The following MAGI1 variants were observed in gnomAD, a reference collection of about 807,000 sequenced individuals.
MAGI1 encodes the protein membrane-associated guanylate kinase, WW and PDZ domain-containing protein 1.
MAGI1 carries 58 observed loss-of-function variants against 139.9 expected under a neutral mutation model. The ratio of observed to expected loss-of-function variants is 0.41; its 90% confidence interval spans 0.34 to 0.52. MAGI1 has a LOEUF of 0.52. Ranked by LOEUF, MAGI1 falls within the 20% of genes least tolerant of loss-of-function variation. The probability of loss-of-function intolerance (pLI) is 0.12; values close to 1 mark genes in which losing one functional copy is unlikely to be tolerated. For synonymous variants in MAGI1, 812 were observed against 737.9 expected, an observed-to-expected ratio of 1.10 and a Z score of -1.63; for missense variants, 1,874 against 1,901.6, an observed-to-expected ratio of 0.99 and a Z score of 0.27.
chr3:65,740,675 C>T (rs975643144), intron 1 of MAGI1, among the ~76,000 whole-genome samples: 1 of 152,190 alleles, frequency 6.6e-6, no homozygotes, highest in African/African-American at 2.4e-5. Context: ...AATCTACTCT[C>T]AACTGTTATC....
intron 2 of MAGI1, among the ~76,000 whole-genome samples, chr3:65,596,608 C>G (rs554145779): frequency 1.3e-5 from 2 of 152,168 alleles, no homozygotes; most frequent in African/African-American, 2.4e-5. Context: ...AGTCTATATA[C>G]CAACACTGTG....
intron 1 of MAGI1, among the ~76,000 whole-genome samples, chr3:65,736,042 G>T (rs2034697174): frequency 1.3e-5 from 2 of 152,170 alleles, no homozygotes; most frequent in African/African-American, 4.8e-5. Context: ...TCTTGCCTGA[G>T]ACACTCCAAC....
intron 1 of MAGI1, among the ~76,000 whole-genome samples, chr3:65,920,768 C>T (rs533590783): frequency 4.6e-5 from 7 of 152,260 alleles, no homozygotes; most frequent in East Asian, 3.9e-4. Context: ...CAGTGGCTCA[C>T]GCCTGTAATC....
intron 1 of MAGI1, among the ~76,000 whole-genome samples, chr3:65,954,076 C>T (rs2063993115): frequency 6.6e-6 from 1 of 152,086 alleles, no homozygotes; most frequent in Admixed American, 6.5e-5. Flanking sequence ...TTTACCCCAA[C>T]CCCCCATACT....
chr3:65,765,264 G>T (rs1289056376), intron 1 of MAGI1, among the ~76,000 whole-genome samples: 1 of 152,162 alleles, frequency 6.6e-6, no homozygotes, highest in African/African-American at 2.4e-5. Context: ...TTTTGGGAAT[G>T]AACCTTTACC....
chr3:65,507,676 G>A (rs982569251), intron 2 of MAGI1, among the ~76,000 whole-genome samples: 4 of 152,078 alleles, frequency 2.6e-5, no homozygotes, highest in Admixed American at 6.6e-5. Context: ...TTGGAGCAAC[G>A]GCAAAATCAT....
At chr3:65,487,257 G>A (rs189034328) in intron 3 of MAGI1, among the ~76,000 whole-genome samples, 38 of 152,144 alleles carry the variant, frequency 2.5e-4, no homozygotes, top group African/African-American at 2.2e-4. Context: ...AAAGACCTTC[G>A]CACACTTACA....
intron 12 of MAGI1, among the ~76,000 whole-genome samples, chr3:65,414,665 A>C (rs1053092287): frequency 3.9e-5 from 6 of 152,150 alleles, no homozygotes; most frequent in Non-Finnish European, 8.8e-5. Flanking sequence ...AATTGATCCT[A>C]AGTTGCCAAT....
intron 2 of MAGI1, among the ~76,000 whole-genome samples, chr3:65,531,524 T>A (rs1488811674): frequency 6.6e-6 from 1 of 152,208 alleles, no homozygotes; most frequent in Non-Finnish European, 1.5e-5. Flanking sequence ...ATAATACTTA[T>A]TTCTAGTAAT....
chr3:65,777,577 T>C (rs1001160889), intron 1 of MAGI1, among the ~76,000 whole-genome samples: 87 of 145,070 alleles, frequency 6.0e-4, no homozygotes, highest in Admixed American at 2.2e-4. Context: ...AGGTTGAGGC[T>C]GCAGTGAGCC....
intron 1 of MAGI1, among the ~76,000 whole-genome samples, chr3:65,955,326 C>G (rs1004055476): frequency 6.6e-6 from 1 of 152,180 alleles, no homozygotes; most frequent in African/African-American, 2.4e-5. Flanking sequence ...GACAACACTG[C>G]CTCTTAAAAC....
intron 1 of MAGI1, among the ~76,000 whole-genome samples, chr3:65,982,801 T>C (rs190743113): frequency 2.6e-5 from 4 of 152,312 alleles, no homozygotes; most frequent in Admixed American, 6.5e-5. Context: ...CCTTTGTGAC[T>C]GATGCATCCC....
intron 1 of MAGI1, among the ~76,000 whole-genome samples, chr3:65,871,752 G>A (rs1334702921): frequency 6.6e-6 from 1 of 152,182 alleles, no homozygotes; most frequent in African/African-American, 2.4e-5. Flanking sequence ...CTGAATGCTG[G>A]GACAGAAACT....
intron 5 of MAGI1, among the ~76,000 whole-genome samples, chr3:65,457,115 C>G (rs1382936723): frequency 6.6e-6 from 1 of 152,028 alleles, no homozygotes; most frequent in African/African-American, 2.4e-5. Context: ...TTACATTAAA[C>G]CTGTATATCC....
chr3:65,935,259 T>C (rs985117645), intron 1 of MAGI1, among the ~76,000 whole-genome samples: 1 of 152,170 alleles, frequency 6.6e-6, no homozygotes, highest in Admixed American at 6.5e-5. Flanking sequence ...TTTAAAGAAC[T>C]GAAAGAGGTT....
At chr3:65,493,885 A>C (rs1005379519) in intron 2 of MAGI1, among the ~76,000 whole-genome samples, 1 of 152,182 alleles carries the variant, frequency 6.6e-6, no homozygotes, top group South Asian at 2.1e-4. Flanking sequence ...GGTAACCTAG[A>C]GAGAGTTTTA....
chr3:65,467,031 T>C (rs1410172205), intron 5 of MAGI1, among the ~76,000 whole-genome samples: 1 of 152,202 alleles, frequency 6.6e-6, no homozygotes, highest in African/African-American at 2.4e-5. Flanking sequence ...TCTGTAGGCA[T>C]TTCTGGGTTG....
intron 1 of MAGI1, among the ~76,000 whole-genome samples, chr3:65,841,920 T>C (rs2058820959): frequency 6.6e-6 from 1 of 152,172 alleles, no homozygotes. Context: ...AAGGCGCAAC[T>C]GGGGTTCATT....
intron 1 of MAGI1, among the ~76,000 whole-genome samples, chr3:66,003,022 G>GTCTCACCC: frequency 5.3e-5 from 8 of 152,104 alleles, no homozygotes; most frequent in African/African-American, 1.9e-4. Context: ...GTCCCAGGGA[G>GTCTCACCC]TATTAGATCT....
Sources: allele counts gnomAD v4.1 joint callset (sites outside exome capture counted in the v4.1 genomes callset), GRCh38; gene constraint gnomAD v4.1.1; transcripts MANE v1.5; gene names NCBI Gene and HGNC (gene_info 2026-07-23, HGNC 2026-07-21).